Variants in IRAK1BP1 observed in about 807,000 individuals in gnomAD.
IRAK1BP1 encodes interleukin 1 receptor associated kinase 1 binding protein 1, also known as interleukin-1 receptor-associated kinase 1-binding protein 1.
A neutral mutation model predicts 28.0 loss-of-function variants in IRAK1BP1; 24 were observed. The observed-to-expected ratio is 0.86, with a 90% CI of 0.62 to 1.20. IRAK1BP1 has a LOEUF of 1.20. Ranked by LOEUF, IRAK1BP1 falls within the 50% of genes most tolerant of loss-of-function variation. The probability of loss-of-function intolerance (pLI) is 0.00; values close to 1 mark genes in which losing one functional copy is unlikely to be tolerated. For missense variants in IRAK1BP1, 336 were observed against 316.7 expected (o/e 1.06, Z -0.46); for synonymous variants, 131 against 116.3 (o/e 1.13, Z -0.81).
chr6:78,869,756 T>A (rs912750275), intron 1 of IRAK1BP1, among the ~76,000 whole-genome samples: 1 of 152,104 alleles, frequency 6.6e-6, no homozygotes, highest in African/African-American at 2.4e-5. Context: ...GCTGTAAGAT[T>A]TATAAACATC....
intron 2 of IRAK1BP1, among the ~76,000 whole-genome samples, chr6:78,891,629 T>G (rs1431741758): frequency 6.6e-6 from 1 of 152,098 alleles, no homozygotes; most frequent in Admixed American, 6.5e-5. Flanking sequence ...ACCTGGCTAA[T>G]TTTTGTAATT....
intron 4 of IRAK1BP1, among the ~76,000 whole-genome samples, chr6:78,925,429 GA>G (rs1772860804): frequency 6.6e-6 from 1 of 152,084 alleles, no homozygotes. Flanking sequence ...ACAAGCATAT[GA>G]AAAAATGCTC....
chr6:78,958,587 G>T, the IRAK1BP1 span: 1 of 1,569,102 alleles, frequency 6.4e-7, no homozygotes, highest in Non-Finnish European at 8.7e-7. Context: ...TCCCACATTA[G>T]GGAAGAAACC....
At chr6:78,973,266 C>A in the IRAK1BP1 span, among the ~76,000 whole-genome samples, 2 of 151,592 alleles carry the variant, frequency 1.3e-5, no homozygotes, top group Non-Finnish European at 2.9e-5. Flanking sequence ...AATTTCATAT[C>A]CAGCCAAAGT....
At chr6:78,970,857 T>C in the IRAK1BP1 span, 1 of 1,610,554 alleles carries the variant, frequency 6.2e-7, no homozygotes. Context: ...CATTTCGACA[T>C]AGGCTTCATG....
intron 4 of IRAK1BP1, among the ~76,000 whole-genome samples, chr6:78,923,453 C>A (rs998851857): frequency 3.9e-5 from 6 of 152,130 alleles, no homozygotes; most frequent in African/African-American, 1.4e-4. Flanking sequence ...GACTTTGACT[C>A]CCACACAATA....
chr6:78,957,638 A>G, the IRAK1BP1 span: 1 of 151,840 alleles, frequency 6.6e-6, no homozygotes. Context: ...ATGAAAGCTG[A>G]TAACAGCTAA....
At chr6:78,884,866 A>C (rs1771361254) in intron 1 of IRAK1BP1, among the ~76,000 whole-genome samples, 2 of 152,264 alleles carry the variant, frequency 1.3e-5, no homozygotes, top group South Asian at 4.1e-4. Flanking sequence ...TTTCATTATA[A>C]GGTAATATAA....
At chr6:78,891,128 A>G (rs888934612) in intron 2 of IRAK1BP1, among the ~76,000 whole-genome samples, 1 of 152,212 alleles carries the variant, frequency 6.6e-6, no homozygotes, top group Non-Finnish European at 1.5e-5. Context: ...TGAATTTTAT[A>G]GCTTTTGTCA....
chr6:78,896,124 A>G (rs190842905), intron 2 of IRAK1BP1, among the ~76,000 whole-genome samples: 1 of 152,338 alleles, frequency 6.6e-6, no homozygotes, highest in East Asian at 1.9e-4. Flanking sequence ...CTTCTTGTTC[A>G]TGGTTTGGAA....
chr6:78,873,254 CAAAAAAAAAAAA>C (rs35962544), intron 1 of IRAK1BP1, among the ~76,000 whole-genome samples: 2 of 41,106 alleles, frequency 4.9e-5, no homozygotes, highest in East Asian at 8.3e-4. Context: ...AACTCTGTCT[CAAAAAAAAAAAA>C]AAAAAAAAAA....
the IRAK1BP1 span, among the ~76,000 whole-genome samples, chr6:78,973,764 CAA>C: frequency 6.6e-6 from 1 of 151,808 alleles, no homozygotes; most frequent in Non-Finnish European, 1.5e-5. Flanking sequence ...CAACAAAGAT[CAA>C]AAGAGACAAA....
intron 2 of IRAK1BP1, among the ~76,000 whole-genome samples, chr6:78,888,834 G>A (rs1771521683): frequency 6.6e-6 from 1 of 151,884 alleles, no homozygotes; most frequent in Non-Finnish European, 1.5e-5. Flanking sequence ...AAGAATAGAT[G>A]AGGCCAGGCA....
intron 4 of IRAK1BP1, among the ~76,000 whole-genome samples, chr6:78,918,408 GA>G: frequency 6.6e-6 from 1 of 151,642 alleles, no homozygotes; most frequent in Non-Finnish European, 1.5e-5. Flanking sequence ...ACAAGTTGAA[GA>G]AAAAAACAAG....
intron 4 of IRAK1BP1, among the ~76,000 whole-genome samples, chr6:78,932,931 G>A (rs1009852627): frequency 6.6e-6 from 1 of 152,020 alleles, no homozygotes; most frequent in Non-Finnish European, 1.5e-5. Flanking sequence ...TGGAAAGCAG[G>A]TCTTAACAAT....
In IRAK1BP1 at chr6:78,895,678, C is replaced by T. The variant is rs1771855513; in HGVS notation, c.382-2151C>T. 2.6e-5 allele frequency among the ~76,000 whole-genome samples: 4 copies of T among 152,226 alleles called. No homozygotes were observed. The South Asian group carries it at 8.3e-4, about 32-fold the overall frequency. ...CAATAGATACAGAAGAAGCACTTAACAAAGTCCATTATTTATTCCTAGTAA... is the reference window on the plus strand; with the variant it reads ...CAATAGATACAGAAGAAGCACTTAATAAAGTCCATTATTTATTCCTAGTAA... On this transcript the variant is annotated intron_variant, in intron 2 of 3. Transcript: ENST00000369940.
chr6:78,878,317 G>A (rs895595550), intron 1 of IRAK1BP1, among the ~76,000 whole-genome samples: 1 of 152,176 alleles, frequency 6.6e-6, no homozygotes, highest in African/African-American at 2.4e-5. Flanking sequence ...GAAAGATCAG[G>A]CAGCAACGTT....
chr6:78,906,503 G>A (rs140884632), downstream of IRAK1BP1, among the ~76,000 whole-genome samples: 107 of 152,260 alleles, frequency 7.0e-4, 1 homozygote, highest in South Asian at 8.1e-3. Flanking sequence ...ATAAGAGTTC[G>A]TGTTTATCTT....
intron 4 of IRAK1BP1, among the ~76,000 whole-genome samples, chr6:78,921,479 G>A (rs1388200404): frequency 6.6e-6 from 1 of 152,240 alleles, no homozygotes; most frequent in African/African-American, 2.4e-5. Context: ...GCCTGCCTCT[G>A]TAGACTCCAC....
Sources: allele counts gnomAD v4.1 joint callset (sites outside exome capture counted in the v4.1 genomes callset), GRCh38; gene constraint gnomAD v4.1.1; transcripts MANE v1.5; gene names NCBI Gene and HGNC (gene_info 2026-07-23, HGNC 2026-07-21).